HBEGF: variants seen among roughly 807,000 people sequenced by gnomAD.
HBEGF encodes proheparin-binding EGF-like growth factor.
HBEGF carries 8 observed loss-of-function variants against 19.5 expected under a neutral mutation model. That is an observed-to-expected ratio of 0.41 (90% CI 0.24 to 0.74). HBEGF has a LOEUF of 0.74. Among genes scored for constraint, HBEGF ranks in the 30% least tolerant of loss-of-function variants. HBEGF has a pLI of 0.32. For missense variants in HBEGF, 207 were observed against 256.9 expected (o/e 0.81, Z 1.33); for synonymous variants, 97 against 108.9 (o/e 0.89, Z 0.68).
At chr5:140,335,437 G>A (rs1326543925) in intron 4 of HBEGF, among the ~76,000 whole-genome samples, 5 of 151,782 alleles carry the variant, frequency 3.3e-5, no homozygotes, top group African/African-American at 1.2e-4. Flanking sequence ...TGCTTGGTGG[G>A]TCTCCCAAGC....
Position 140,342,796 on chromosome 5 carries a change from C to T in HBEGF, c.237G>A (p.Lys79=). 1 of 1,614,118 alleles carries T rather than the reference C, an allele frequency of 6.2e-7. No homozygotes were observed. The highest frequency in any genetic ancestry group is 8.5e-7 in the Non-Finnish European group (1 of 1,180,024). ...TGTTTGGTGTGGCCAGTGCTTGTGGCTTGGAGGATAAAGTGACTGTAGGAG... is the reference window on the plus strand; with the variant it reads ...TGTTTGGTGTGGCCAGTGCTTGTGGTTTGGAGGATAAAGTGACTGTAGGAG... ...LDLLRVTLSS[K]PQALATPNKE... Residue 79 remains lysine, a synonymous_variant, in exon 3 of 6, where the codon AAG becomes AAA. Coordinates refer to ENST00000230990, the MANE Select transcript of HBEGF (RefSeq NM_001945.3).
chr5:140,334,733 T>A lies in HBEGF; in HGVS notation c.570A>T (p.Gly190=). 1 of 1,613,450 alleles carries A rather than the reference T, an allele frequency of 6.2e-7. No homozygotes were observed. The highest frequency in any genetic ancestry group is 1.1e-5 in the South Asian group (1 of 91,056). ...TCTCTTCATTTTCCACATCATAACC[T>A]CCTCTCCTATGGTACCTGAGGAAGA... is the stretch of plus-strand genomic sequence containing the variant. ...GLLMFRYHRR[G]GYDVENEEKV... is the part of the protein sequence containing the mutation. The change falls in exon 5 of 6, where the codon GGA becomes GGT. Residue 190 remains glycine (G), a synonymous_variant. Coordinates refer to ENST00000230990, the MANE Select transcript of HBEGF (RefSeq NM_001945.3).
chr5:140,339,423 G>A (rs1766274679), intron 3 of HBEGF, among the ~76,000 whole-genome samples: 1 of 152,010 alleles, frequency 6.6e-6, no homozygotes, highest in Non-Finnish European at 1.5e-5. Flanking sequence ...ATGGAGTTTT[G>A]CTCTTGTTGC....
At chr5:140,336,364 G>T (rs1302097330) in intron 3 of HBEGF, among the ~76,000 whole-genome samples, 1 of 152,186 alleles carries the variant, frequency 6.6e-6, no homozygotes. Context: ...TGACATGTGT[G>T]TTCAGGCGTT....
At position 140,346,246 on chromosome 5, in the gene HBEGF, TC is replaced by T; in HGVS notation, c.46+36del. 2 of 1,579,652 alleles carry T rather than the reference TC, an allele frequency of 1.3e-6. No individual in the cohort carries two copies. Among genetic ancestry groups the T allele is most frequent in the Admixed American group, 1.8e-5 (1 of 56,122 alleles). ...CCATGCCCCCAGCACAACGCCCCCA[TC>T]CCCCCGATCTCCGGGGGCGTCGGCA... is the stretch of plus-strand genomic sequence containing the variant. On this transcript the variant is annotated intron_variant, in intron 1 of 5. Transcript: ENST00000230990. The surrounding 1 kb of genome is among the most constrained non-coding windows in gnomAD (Gnocchi z 6.1).
intron 3 of HBEGF, among the ~76,000 whole-genome samples, chr5:140,339,422 T>C (rs757718345): frequency 6.6e-6 from 1 of 152,162 alleles, no homozygotes; most frequent in Non-Finnish European, 1.5e-5. Context: ...GATGGAGTTT[T>C]GCTCTTGTTG....
At position 140,346,233 on chromosome 5, in the gene HBEGF, C is replaced by A. The variant is rs201452217; in HGVS notation, c.46+50G>T. Reference sequence around the variant, plus strand: ...CGGCGACCTTCCCCCATGCCCCCAGCACAACGCCCCCATCCCCCCGATCTC... The same window carrying A: ...CGGCGACCTTCCCCCATGCCCCCAGAACAACGCCCCCATCCCCCCGATCTC... On this transcript the variant is annotated intron_variant, in intron 1 of 5. Transcript: ENST00000230990. This position sits in a 1 kb window ranked among gnomAD's most constrained non-coding sequence, Gnocchi z 6.1. The A allele has an allele frequency of 2.1e-4, 338 of 1,574,352 alleles. 3 individuals are homozygous for A. In the East Asian group the frequency reaches 7.9e-3, roughly 37 times the overall value.
chr5:140,332,963 T>A lies in HBEGF; in HGVS notation c.*1336A>T, dbSNP rs1254099785. On this transcript the variant is annotated 3_prime_UTR_variant, in exon 6 of 6. Coordinates refer to ENST00000230990, the MANE Select transcript of HBEGF (RefSeq NM_001945.3). Reference sequence around the variant, plus strand: ...ACTTCCAGAAAGGACCATGACAGCATAACTTCATCGTTTTGGTGAGGTGGG... The same window carrying A: ...ACTTCCAGAAAGGACCATGACAGCAAAACTTCATCGTTTTGGTGAGGTGGG... 6.6e-6 allele frequency: 1 copy of A among 152,620 alleles called. No homozygotes were observed. The highest frequency in any genetic ancestry group is 2.4e-5 in the African/African-American group (1 of 41,432). 9.5% of individuals were successfully genotyped at this position (152,620 alleles called of 1,614,324 possible).
chr5:140,334,801 G>A, intron 4 of HBEGF, 53 bp from the exon 5 acceptor site: 3 of 1,374,572 alleles, frequency 2.2e-6, no homozygotes, highest in East Asian at 2.3e-5. Context: ...CAAAGTGCAG[G>A]TCCAGAGCAG....
At chr5:140,337,914 A>G (rs1407804842) in intron 3 of HBEGF, among the ~76,000 whole-genome samples, 2 of 152,214 alleles carry the variant, frequency 1.3e-5, no homozygotes, top group East Asian at 1.9e-4. Flanking sequence ...AGCCTTATCT[A>G]CTAGCTCAAC....
chr5:140,337,217 T>A (rs367924153), intron 3 of HBEGF, among the ~76,000 whole-genome samples: 167 of 152,326 alleles, frequency 1.1e-3, no homozygotes, highest in African/African-American at 3.8e-3. Context: ...CACATTCACA[T>A]CCTTTCCTTT....
At chr5:140,338,740 G>T (rs1766264597) in intron 3 of HBEGF, among the ~76,000 whole-genome samples, 1 of 152,080 alleles carries the variant, frequency 6.6e-6, no homozygotes, top group Non-Finnish European at 1.5e-5. Context: ...TTTGTGTCTT[G>T]TCCAGAGCCA....
At chr5:140,345,716 T>C (rs1389082990) in intron 2 of HBEGF, among the ~76,000 whole-genome samples, 195 bp downstream of exon 2, 1 of 151,974 alleles carries the variant, frequency 6.6e-6, no homozygotes, top group African/African-American at 2.4e-5. Flanking sequence ...ACCCAGCAGG[T>C]GAGGCAATGA....
At chr5:140,338,640 C>A (rs2126717267) in intron 3 of HBEGF, among the ~76,000 whole-genome samples, 1 of 152,304 alleles carries the variant, frequency 6.6e-6, no homozygotes, top group Non-Finnish European at 1.5e-5. Context: ...ATATTACCTA[C>A]CTCCCCCTCC....
Position 140,336,549 on chromosome 5 carries a change from G to A in HBEGF, c.399-522C>T, listed in dbSNP as rs1766230376. On this transcript the variant is annotated intron_variant, in intron 3 of 5. Coordinates refer to ENST00000230990, the MANE Select transcript of HBEGF (RefSeq NM_001945.3). ...TCCACTGCTGTCCAGCCTATTAATAGGCCCTGTGCCTCTGCCAGGAGTCGT... is the reference window on the plus strand; with the variant it reads ...TCCACTGCTGTCCAGCCTATTAATAAGCCCTGTGCCTCTGCCAGGAGTCGT... Among the ~76,000 whole-genome samples, 5 of 152,172 alleles carry A rather than the reference G, an allele frequency of 3.3e-5. No homozygotes were observed. In the South Asian group the frequency reaches 1.0e-3, roughly 31 times the overall value.
At chr5:140,342,209 C>T (rs1278706577) in intron 3 of HBEGF, among the ~76,000 whole-genome samples, 5 of 152,162 alleles carry the variant, frequency 3.3e-5, no homozygotes, top group African/African-American at 1.2e-4. Flanking sequence ...CCCAAATACA[C>T]ACATACCTAT....
rs192980416 is a variant in HBEGF at position 140,336,987 on chromosome 5, C to A, written c.399-960G>T. On this transcript the variant is annotated intron_variant, in intron 3 of 5. Coordinates refer to ENST00000230990, the MANE Select transcript of HBEGF (RefSeq NM_001945.3). Reference sequence around the variant, plus strand: ...GGGATTACAGGTGCCCGCCACCACGCCCAGCTAATTTTTGTAATTTTTTAG... The same window carrying A: ...GGGATTACAGGTGCCCGCCACCACGACCAGCTAATTTTTGTAATTTTTTAG... Among the ~76,000 whole-genome samples, 5 of 152,076 alleles carry A rather than the reference C, an allele frequency of 3.3e-5. No individual in the cohort carries two copies. In the East Asian group the frequency reaches 5.8e-4, roughly 18 times the overall value.
chr5:140,336,016 C>A lies in HBEGF; in HGVS notation c.410G>T (p.Gly137Val), dbSNP rs1370528843. 1.2e-6 allele frequency: 2 copies of A among 1,613,922 alleles called. No individual in the cohort carries two copies. The highest frequency in any genetic ancestry group is 1.1e-5 in the South Asian group (1 of 91,046). ...CCCATGACACCTCTCTCCATGGTAA[C>A]CCGGGTGGCAGCTAGTTCAAGACAG... ...LRAPSCICHP[G>V]YHGERCHGLS... The change falls in exon 4 of 6, where the codon GGT (glycine) becomes GTT (valine). Residue 137 changes from glycine (G) to valine (V), a missense_variant. Gly to Val is a moderately radical substitution (Grantham distance 109, BLOSUM62 -3). Coordinates refer to ENST00000230990, the MANE Select transcript of HBEGF (RefSeq NM_001945.3).
intron 3 of HBEGF, among the ~76,000 whole-genome samples, chr5:140,339,160 C>A (rs1412195676): frequency 6.6e-6 from 1 of 152,190 alleles, no homozygotes; most frequent in African/African-American, 2.4e-5. Context: ...CTGCCCATGG[C>A]CTGAGGAATG....
Sources: gnomAD v4.1 joint callset for allele counts (sites outside exome capture counted in the v4.1 genomes callset) on GRCh38, gnomAD v4.1.1 for gene constraint, Gnocchi (gnomAD v3.1) non-coding constraint, MANE v1.5 for transcripts, NCBI Gene and HGNC (gene_info 2026-07-23, HGNC 2026-07-21) for gene names.